Variants in MAGI1 observed in about 807,000 individuals in gnomAD.
MAGI1 encodes membrane associated guanylate kinase, WW and PDZ domain containing 1.
MAGI1 carries 58 observed loss-of-function variants against 139.9 expected under a neutral mutation model. The ratio of observed to expected loss-of-function variants is 0.41; its 90% confidence interval spans 0.34 to 0.52. The LOEUF (loss-of-function observed/expected upper bound fraction) is 0.52, where lower values mean the gene tolerates loss of function less well. Ranked by LOEUF, MAGI1 falls within the 20% of genes least tolerant of loss-of-function variation. The pLI is 0.12. For missense variants in MAGI1, 1,874 were observed against 1,901.6 expected (o/e 0.99, Z 0.27); for synonymous variants, 812 against 737.9 (o/e 1.10, Z -1.63).
chr3:65,661,745 G>GTTTTTTTTTTTTT (rs11369893), intron 1 of MAGI1, among the ~76,000 whole-genome samples: 10 of 93,912 alleles, frequency 1.1e-4, no homozygotes, highest in African/African-American at 2.1e-4. Flanking sequence ...GTTTTTTTCT[G>GTTTTTTTTTTTTT]TTTTTTTTTT....
intron 3 of MAGI1, among the ~76,000 whole-genome samples, chr3:65,480,789 T>C (rs991912791): frequency 6.6e-6 from 1 of 151,994 alleles, no homozygotes; most frequent in African/African-American, 2.4e-5. Flanking sequence ...GATTTCACCA[T>C]GTTGGCCAGG....
At chr3:65,777,287 C>G (rs2038527119) in intron 1 of MAGI1, among the ~76,000 whole-genome samples, 1 of 152,098 alleles carries the variant, frequency 6.6e-6, no homozygotes, top group African/African-American at 2.4e-5. Context: ...AATTGAGACC[C>G]TAACAGTGCC....
chr3:65,881,397 C>G (rs1418317632), intron 1 of MAGI1, among the ~76,000 whole-genome samples: 1 of 152,094 alleles, frequency 6.6e-6, no homozygotes, highest in African/African-American at 2.4e-5. Flanking sequence ...GGGGCCAAGG[C>G]AGGAGGATCA....
intron 1 of MAGI1, among the ~76,000 whole-genome samples, chr3:65,656,601 G>C (rs898539968): frequency 1.3e-5 from 2 of 152,098 alleles, no homozygotes; most frequent in Non-Finnish European, 2.9e-5. Context: ...TACTCCGAGT[G>C]GGGGTGGGAG....
At chr3:65,615,471 G>A (rs1009155560) in intron 2 of MAGI1, among the ~76,000 whole-genome samples, 14 of 152,168 alleles carry the variant, frequency 9.2e-5, no homozygotes, top group African/African-American at 1.9e-4. Context: ...CCTAGCAAGA[G>A]GTAAATATAG....
At chr3:65,530,854 C>CAT (rs1553662044) in intron 2 of MAGI1, among the ~76,000 whole-genome samples, 1,771 of 108,100 alleles carry the variant, frequency 0.016, 188 homozygotes, top group African/African-American at 0.061. Flanking sequence ...CACACACACA[C>CAT]ATATATATAT....
At chr3:65,872,328 T>C (rs1382705348) in intron 1 of MAGI1, among the ~76,000 whole-genome samples, 2 of 152,174 alleles carry the variant, frequency 1.3e-5, no homozygotes, top group African/African-American at 4.8e-5. Flanking sequence ...TATTAAAAAT[T>C]TATGTACCCA....
At chr3:65,984,557 T>C (rs1175218081) in intron 1 of MAGI1, among the ~76,000 whole-genome samples, 1 of 149,520 alleles carries the variant, frequency 6.7e-6, no homozygotes, top group East Asian at 2.0e-4. Flanking sequence ...TGTGACAGGG[T>C]CTCACTCTAT....
At chr3:65,414,857 A>T (rs1365313782) in intron 12 of MAGI1, among the ~76,000 whole-genome samples, 1 of 63,536 alleles carries the variant, frequency 1.6e-5, no homozygotes, top group South Asian at 8.9e-4. Flanking sequence ...GTCTCTACTA[A>T]AAAAAAAAAA....
chr3:65,361,957 T>C (rs1486519400), intron 21 of MAGI1, among the ~76,000 whole-genome samples: 3 of 152,224 alleles, frequency 2.0e-5, no homozygotes, highest in Non-Finnish European at 4.4e-5. Context: ...CTGACTGATG[T>C]ATTGAATGCA....
intron 9 of MAGI1, 21 bp from the exon 10 acceptor site, chr3:65,437,268 T>C: frequency 1.3e-6 from 2 of 1,483,850 alleles, no homozygotes; most frequent in Non-Finnish European, 1.9e-6. Context: ...GAAAAGAAAG[T>C]TTCCTATTTT....
At chr3:65,772,605 C>G (rs2038046268) in intron 1 of MAGI1, among the ~76,000 whole-genome samples, 1 of 152,200 alleles carries the variant, frequency 6.6e-6, no homozygotes, top group Non-Finnish European at 1.5e-5. Context: ...ATGGAGAACA[C>G]TTCGTGAGAG....
At chr3:65,607,215 C>G (rs1463161002) in intron 2 of MAGI1, among the ~76,000 whole-genome samples, 1 of 151,358 alleles carries the variant, frequency 6.6e-6, no homozygotes, top group East Asian at 1.9e-4. Context: ...AAGAATAGTG[C>G]CTCCCTGTCA....
intron 1 of MAGI1, among the ~76,000 whole-genome samples, chr3:65,790,730 G>A (rs2039704769): frequency 6.6e-6 from 1 of 152,174 alleles, no homozygotes; most frequent in African/African-American, 2.4e-5. Flanking sequence ...CAGCCTCGCG[G>A]GGGAACATGC....
At chr3:65,383,354 C>T (rs567746216) in intron 15 of MAGI1, among the ~76,000 whole-genome samples, 178 bp downstream of exon 15, 9 of 152,314 alleles carry the variant, frequency 5.9e-5, no homozygotes, top group African/African-American at 1.9e-4. Context: ...AATCTAGTCT[C>T]TTCTTCCTCA....
chr3:65,762,209 T>C (rs2037089627), intron 1 of MAGI1, among the ~76,000 whole-genome samples: 1 of 152,142 alleles, frequency 6.6e-6, no homozygotes, highest in South Asian at 2.1e-4. Flanking sequence ...AGTGGTTCCT[T>C]TCCCCCTCCA....
chr3:65,459,143 C>T (rs896849773), intron 5 of MAGI1, among the ~76,000 whole-genome samples: 1 of 152,152 alleles, frequency 6.6e-6, no homozygotes, highest in Non-Finnish European at 1.5e-5. Context: ...GTTCTCTATT[C>T]TGTTCCATTG....
intron 1 of MAGI1, among the ~76,000 whole-genome samples, chr3:65,635,632 T>C (rs1186012604): frequency 6.6e-6 from 1 of 152,210 alleles, no homozygotes; most frequent in African/African-American, 2.4e-5. Flanking sequence ...TCCAGGGTTT[T>C]AGGAATCTGC....
intron 1 of MAGI1, among the ~76,000 whole-genome samples, chr3:65,656,613 C>T (rs1029164394): frequency 2.4e-4 from 37 of 151,890 alleles, no homozygotes; most frequent in East Asian, 5.8e-4. Flanking sequence ...GGGTGGGAGG[C>T]GGATTTGAAG....
Sources: gnomAD v4.1 joint callset for allele counts (sites outside exome capture counted in the v4.1 genomes callset) on GRCh38, gnomAD v4.1.1 for gene constraint, MANE v1.5 for transcripts, NCBI Gene and HGNC (gene_info 2026-07-23, HGNC 2026-07-21) for gene names.